Variants in HHAT observed in about 807,000 individuals in gnomAD.
HHAT encodes protein-cysteine N-palmitoyltransferase HHAT.
In HHAT, 47 loss-of-function variants were observed where a neutral mutation model predicts 70.8. That is an observed-to-expected ratio of 0.66 (90% CI 0.53 to 0.85). The LOEUF (loss-of-function observed/expected upper bound fraction) is 0.85, where lower values mean the gene tolerates loss of function less well. Ranked by LOEUF, HHAT falls within the 40% of genes least tolerant of loss-of-function variation. The pLI, the probability that HHAT is intolerant of heterozygous loss-of-function variation, is 0.00. For missense variants in HHAT, 609 were observed against 604.8 expected, an observed-to-expected ratio of 1.01 and a Z score of -0.07; for synonymous variants, 228 against 247.6, an observed-to-expected ratio of 0.92 and a Z score of 0.74.
At chr1:210,536,846 C>T (rs1224912993) in intron 9 of HHAT, among the ~76,000 whole-genome samples, 3 of 151,582 alleles carry the variant, frequency 2.0e-5, no homozygotes, top group South Asian at 2.1e-4. Flanking sequence ...AGATGTTTAA[C>T]AGCGTCTCGG....
chr1:210,646,258 C>A (rs543804068), intron 11 of HHAT, among the ~76,000 whole-genome samples: 1 of 152,124 alleles, frequency 6.6e-6, no homozygotes, highest in African/African-American at 2.4e-5. Flanking sequence ...GACTTTAAGG[C>A]CTATTTTTAA....
At chr1:210,495,845 T>C (rs2094628845) in intron 8 of HHAT, among the ~76,000 whole-genome samples, 1 of 151,802 alleles carries the variant, frequency 6.6e-6, no homozygotes, top group Non-Finnish European at 1.5e-5. Context: ...CCATCTCTGC[T>C]AAAAATACAA....
intron 8 of HHAT, 112 bp downstream of exon 8, chr1:210,464,767 T>C (rs758602480): frequency 1.1e-5 from 12 of 1,066,284 alleles, no homozygotes; most frequent in Non-Finnish European, 1.6e-5. Flanking sequence ...TCACTCAAGC[T>C]GCATTTGGCA....
chr1:210,456,203 C>G (rs1415026861), intron 7 of HHAT, among the ~76,000 whole-genome samples: 1 of 152,214 alleles, frequency 6.6e-6, no homozygotes, highest in African/African-American at 2.4e-5. Context: ...CTAATCCACT[C>G]AAGTCTGTTC....
At chr1:210,505,391 A>G (rs1462892242) in intron 8 of HHAT, among the ~76,000 whole-genome samples, 1 of 152,206 alleles carries the variant, frequency 6.6e-6, no homozygotes, top group Non-Finnish European at 1.5e-5. Flanking sequence ...CACTTTGAAC[A>G]AAAAGCTGGG....
At chr1:210,661,958 A>G (rs1677820200) in intron 11 of HHAT, among the ~76,000 whole-genome samples, 1 of 152,256 alleles carries the variant, frequency 6.6e-6, no homozygotes. Flanking sequence ...TGTTGTGCAC[A>G]GGTACTGTAG....
At chr1:210,444,692 T>A (rs2093598914) in intron 7 of HHAT, among the ~76,000 whole-genome samples, 1 of 152,208 alleles carries the variant, frequency 6.6e-6, no homozygotes, top group South Asian at 2.1e-4. Context: ...CACACATTTT[T>A]AAATAGAGAC....
At position 210,465,958 on chromosome 1, in the gene HHAT, T is replaced by C. The variant is rs1196399343; in HGVS notation, c.1007+1303T>C. ...TTGCAAGGAATGAATTGCAAGGAAT[T>C]GCAAGGAATGAATTGCAAGGAATTG... On this transcript the variant is annotated intron_variant, in intron 8 of 11. Coordinates refer to ENST00000261458, the MANE Select transcript of HHAT (RefSeq NM_018194.6). Among the ~76,000 whole-genome samples, 35 of 37,740 alleles carry C rather than the reference T, an allele frequency of 9.3e-4. 2 individuals carry two copies. Among genetic ancestry groups the C allele is most frequent in the Non-Finnish European group, 4.0e-4 (8 of 19,868 alleles). 24.8% of individuals were successfully genotyped at this position (37,740 alleles called of 152,430 possible).
chr1:210,602,278 G>A (rs1191685380), intron 10 of HHAT, among the ~76,000 whole-genome samples: 1 of 152,062 alleles, frequency 6.6e-6, no homozygotes, highest in African/African-American at 2.4e-5. Context: ...ACCAGTTGAG[G>A]ACCACTGTAA....
intron 8 of HHAT, among the ~76,000 whole-genome samples, chr1:210,498,772 T>C (rs12132991): frequency 0.21 from 10,659 of 49,852 alleles, 457 homozygotes; most frequent in Non-Finnish European, 0.24. Flanking sequence ...GTTTTTTTTT[T>C]TCTTTTTTTT....
chr1:210,372,736 A>T (rs2089680008), intron 3 of HHAT, among the ~76,000 whole-genome samples: 1 of 150,496 alleles, frequency 6.6e-6, no homozygotes. Flanking sequence ...AGACCAAGAG[A>T]GTGTTAGACT....
chr1:210,443,223 T>C (rs1234409237), intron 7 of HHAT, among the ~76,000 whole-genome samples: 4 of 148,824 alleles, frequency 2.7e-5, no homozygotes, highest in Non-Finnish European at 6.0e-5. Flanking sequence ...TTGGTACCAG[T>C]ACCATGCTGT....
Position 210,379,956 on chromosome 1 carries a change from C to G in HHAT, c.160-7512C>G, listed in dbSNP as rs146548539. On this transcript the variant is annotated intron_variant, in intron 3 of 11. Transcript: ENST00000261458. Reference sequence around the variant, plus strand: ...TTGCAGAGAAGATCATCCACTGGAACTATTCTGTGAGCTTATATTTTCTCC... The same window carrying G: ...TTGCAGAGAAGATCATCCACTGGAAGTATTCTGTGAGCTTATATTTTCTCC... Among the ~76,000 whole-genome samples the G allele has an allele frequency of 4.2e-3, 643 of 152,200 alleles. 16 individuals are homozygous for G. The highest frequency in any genetic ancestry group is 0.037 in the Admixed American group (567 of 15,282).
chr1:210,488,698 G>A (rs1400257711), intron 8 of HHAT, among the ~76,000 whole-genome samples: 2 of 151,832 alleles, frequency 1.3e-5, no homozygotes, highest in South Asian at 2.1e-4. Context: ...TTTGAGACCA[G>A]CCTGGGCAAT....
rs536942873 is a variant in HHAT at position 210,548,036 on chromosome 1, T to G, written c.1043+34848T>G. Among the ~76,000 whole-genome samples the G allele has an allele frequency of 7.9e-5, 12 of 152,350 alleles. 1 individual carries two copies. The South Asian group carries it at 2.3e-3, about 29-fold the overall frequency. On this transcript the variant is annotated intron_variant, in intron 9 of 11. Coordinates refer to ENST00000261458, the MANE Select transcript of HHAT (RefSeq NM_018194.6). ...TCCAAGAAGGTCTTGGGGAAAACTC[T>G]GAGATAATTGCATGATTTCCTCTCT...
chr1:210,641,123 G>A (rs74158964), intron 11 of HHAT, among the ~76,000 whole-genome samples: 2,496 of 152,308 alleles, frequency 0.016, 71 homozygotes, highest in African/African-American at 0.056. Context: ...CTGTGTAAAT[G>A]TTTGTGACAT....
intron 1 of HHAT, among the ~76,000 whole-genome samples, chr1:210,340,242 G>GGGGAAGAAAAAAA: frequency 1.0e-5 from 1 of 99,784 alleles, no homozygotes; most frequent in Non-Finnish European, 2.1e-5. Flanking sequence ...CTCTGTCTCA[G>GGGGAAGAAAAAAA]AAAAAAAAAA....
At chr1:210,659,638 T>A (rs1016366603) in intron 11 of HHAT, among the ~76,000 whole-genome samples, 1 of 152,102 alleles carries the variant, frequency 6.6e-6, no homozygotes, top group African/African-American at 2.4e-5. Context: ...TAGACCAATA[T>A]CCCTGATGAA....
Position 210,397,102 on chromosome 1 carries a change from T to C in HHAT, c.274-3366T>C, listed in dbSNP as rs2091831726. ...AGCAACATCAATATCCTGGTTATGA[T>C]ATTTGTGGTTTTAAAAAATGTGCCA... On this transcript the variant is annotated intron_variant, in intron 4 of 11. Coordinates refer to ENST00000261458, the MANE Select transcript of HHAT (RefSeq NM_018194.6). Among the ~76,000 whole-genome samples the C allele has an allele frequency of 1.3e-5, 2 of 152,130 alleles. 1 individual carries two copies. The highest frequency in any genetic ancestry group is 4.1e-4 in the South Asian group (2 of 4,834).
Sources: gnomAD v4.1 joint callset for allele counts (sites outside exome capture counted in the v4.1 genomes callset) on GRCh38, gnomAD v4.1.1 for gene constraint, MANE v1.5 for transcripts, NCBI Gene and HGNC (gene_info 2026-07-23, HGNC 2026-07-21) for gene names.